Variants in GABRA3 observed in about 807,000 individuals in gnomAD.
The protein encoded by GABRA3 is gamma-aminobutyric acid type A receptor subunit alpha3, also known as gamma-aminobutyric acid receptor subunit alpha-3.
Under a neutral mutation model 30.1 loss-of-function variants are expected in GABRA3, and 10 were observed. The ratio of observed to expected loss-of-function variants is 0.33; its 90% CI spans 0.20 to 0.56. The LOEUF (loss-of-function observed/expected upper bound fraction) is 0.56. Ranked by LOEUF, GABRA3 falls within the 20% of genes least tolerant of loss-of-function variation. The probability of loss-of-function intolerance (pLI) is 0.89; values close to 1 mark genes in which losing one functional copy is unlikely to be tolerated. For synonymous variants in GABRA3, 151 were observed against 146.8 expected (o/e 1.03, Z -0.21); for missense variants, 233 against 392.0 (o/e 0.59, Z 3.42).
Position 152,339,082 on chromosome X carries a change from T to G in GABRA3, c.262+6499A>C, listed in dbSNP as rs775029813. 4.5e-5 allele frequency among the ~76,000 whole-genome samples: 5 copies of G among 111,112 alleles called. No individual in the cohort carries two copies. The East Asian group carries it at 1.4e-3, about 31-fold the overall frequency. On this transcript the variant is annotated intron_variant, in intron 3 of 9. Transcript: ENST00000370314. ...TTCTATGAAGAACGTCTTTGGTATATCGGTAGAGATTACATTGAGTCTGTA... is the reference window on the plus strand; with the variant it reads ...TTCTATGAAGAACGTCTTTGGTATAGCGGTAGAGATTACATTGAGTCTGTA...
At chrX:152,437,451 T>C (rs1465448373) in intron 1 of GABRA3, among the ~76,000 whole-genome samples, 1 of 111,752 alleles carries the variant, frequency 8.9e-6, no homozygotes, top group African/African-American at 3.3e-5. Context: ...GTAAGGTCAG[T>C]TCTTCTCAAC....
chrX:152,174,105 G>A lies in GABRA3; in HGVS notation c.1144-5542C>T, dbSNP rs372717894. On this transcript the variant is annotated intron_variant, in intron 9 of 9. Coordinates refer to ENST00000370314, the MANE Select transcript of GABRA3 (RefSeq NM_000808.4). ...GGTTTCCAGCTTCATCCATGTCCCT[G>A]CAAAGGACATGAACTCATCCTTTTT... Among the ~76,000 whole-genome samples the A allele has an allele frequency of 2.0e-3, 226 of 110,416 alleles. 2 individuals are homozygous for A. The South Asian group carries it at 0.038, about 18-fold the overall frequency.
chrX:152,255,262 T>G (rs776996555), intron 5 of GABRA3, among the ~76,000 whole-genome samples: 14 of 111,831 alleles, frequency 1.3e-4, no homozygotes, highest in African/African-American at 4.2e-4. Context: ...ATAAACATAT[T>G]CAAATAAATA....
intron 6 of GABRA3, among the ~76,000 whole-genome samples, chrX:152,220,202 G>C (rs1435135802): frequency 9.0e-6 from 1 of 111,586 alleles, no homozygotes; most frequent in African/African-American, 3.3e-5. Context: ...GAATCCCATT[G>C]CTTAATCTGT....
chrX:152,393,889 G>T (rs1929569173), intron 1 of GABRA3, among the ~76,000 whole-genome samples: 1 of 111,590 alleles, frequency 9.0e-6, no homozygotes, highest in African/African-American at 3.3e-5. Flanking sequence ...TCAAATGACT[G>T]CCATGGCATA....
At chrX:152,182,852 T>C (rs1937202983) in intron 9 of GABRA3, among the ~76,000 whole-genome samples, 1 of 92,994 alleles carries the variant, frequency 1.1e-5, no homozygotes, top group South Asian at 4.9e-4. Flanking sequence ...AATACTATAG[T>C]ATATATACTA....
At chrX:152,204,999 T>A (rs1350868970) in intron 7 of GABRA3, among the ~76,000 whole-genome samples, 1 of 111,835 alleles carries the variant, frequency 8.9e-6, no homozygotes, top group Non-Finnish European at 1.9e-5. Context: ...GTGTTCTCCA[T>A]GTGCACGCAC....
At chrX:152,339,616 A>T (rs371981508) in intron 3 of GABRA3, among the ~76,000 whole-genome samples, 1 of 111,811 alleles carries the variant, frequency 8.9e-6, no homozygotes, top group Admixed American at 9.5e-5. Flanking sequence ...GCTGTTGTTG[A>T]TTGGAATGTT....
At chrX:152,365,083 C>T (rs982368724) in intron 1 of GABRA3, among the ~76,000 whole-genome samples, 4 of 111,547 alleles carry the variant, frequency 3.6e-5, no homozygotes, top group African/African-American at 6.5e-5. Context: ...TGTGTAATAT[C>T]GTAGAGAATC....
intron 6 of GABRA3, among the ~76,000 whole-genome samples, chrX:152,224,365 T>C (rs1937897625): frequency 8.9e-6 from 1 of 112,065 alleles, no homozygotes; most frequent in African/African-American, 3.2e-5. Context: ...TATATGAAGA[T>C]GCAGGTAGAA....
chrX:152,414,959 T>G (rs1930171846), intron 1 of GABRA3, among the ~76,000 whole-genome samples: 1 of 109,882 alleles, frequency 9.1e-6, no homozygotes, highest in Non-Finnish European at 1.9e-5. Flanking sequence ...TTATGACATT[T>G]TGGAAAATAC....
At chrX:152,274,267 C>A (rs1206839588) in intron 4 of GABRA3, among the ~76,000 whole-genome samples, 1 of 110,578 alleles carries the variant, frequency 9.0e-6, no homozygotes, top group Admixed American at 9.6e-5. Context: ...CCAATCAGAC[C>A]AATAATTTGT....
intron 3 of GABRA3, among the ~76,000 whole-genome samples, chrX:152,323,684 G>A (rs1469620560): frequency 8.9e-6 from 1 of 111,967 alleles, no homozygotes; most frequent in Non-Finnish European, 1.9e-5. Context: ...TTTGTAATGA[G>A]AGGATTAAAC....
At chrX:152,281,897 G>C (rs986948723) in intron 4 of GABRA3, among the ~76,000 whole-genome samples, 1 of 112,346 alleles carries the variant, frequency 8.9e-6, no homozygotes, top group Non-Finnish European at 1.9e-5. Context: ...GAGGAAGACA[G>C]TCATTATTTT....
chrX:152,342,276 CAT>C lies in GABRA3; in HGVS notation c.262+3303_262+3304del, dbSNP rs371856834. On this transcript the variant is annotated intron_variant, in intron 3 of 9. Transcript: ENST00000370314. ...ATTAGTGATGTTGAGCAGTTTTTCACATGTTTCTTAACCATTTATATATATTC... is the reference window on the plus strand; with the variant it reads ...ATTAGTGATGTTGAGCAGTTTTTCACGTTTCTTAACCATTTATATATATTC... 4.0e-3 allele frequency among the ~76,000 whole-genome samples: 451 copies of C among 112,496 alleles called. 1 individual carries two copies. Among genetic ancestry groups the C allele is most frequent in the Admixed American group, 6.0e-3 (64 of 10,659 alleles).
At chrX:152,226,801 A>G (rs1937965818) in intron 5 of GABRA3, among the ~76,000 whole-genome samples, 2 of 112,300 alleles carry the variant, frequency 1.8e-5, no homozygotes, top group Non-Finnish European at 3.8e-5. Context: ...ATCCCTGGCC[A>G]TCAGAGAAAT....
rs757872559 is a variant in GABRA3, at chrX:152,256,747, A to T, written c.331-749T>A. Among the ~76,000 whole-genome samples, 15 of 112,404 alleles carry T rather than the reference A, an allele frequency of 1.3e-4. No individual in the cohort carries two copies. The East Asian group carries it at 3.9e-3, about 29-fold the overall frequency. On this transcript the variant is annotated intron_variant, in intron 4 of 9. Transcript: ENST00000370314. Reference sequence around the variant, plus strand: ...ATTATAAAACCTGAACAACAACTGTATATACCTGTATTCCTTGAAAGCAGT... The same window carrying T: ...ATTATAAAACCTGAACAACAACTGTTTATACCTGTATTCCTTGAAAGCAGT...
intron 3 of GABRA3, among the ~76,000 whole-genome samples, chrX:152,302,058 A>C (rs1042933311): frequency 1.8e-5 from 2 of 111,800 alleles, no homozygotes; most frequent in Non-Finnish European, 3.8e-5. Context: ...ATTTCTAAAA[A>C]GACAATATAT....
intron 5 of GABRA3, among the ~76,000 whole-genome samples, chrX:152,233,953 A>G (rs2124391427): frequency 9.5e-6 from 1 of 104,770 alleles, no homozygotes; most frequent in Non-Finnish European, 1.9e-5. Flanking sequence ...AGCACAAAAA[A>G]CCAAACACCG....
Sources: allele counts gnomAD v4.1 joint callset (sites outside exome capture counted in the v4.1 genomes callset), GRCh38; gene constraint gnomAD v4.1.1; transcripts MANE v1.5; gene names NCBI Gene and HGNC (gene_info 2026-07-23, HGNC 2026-07-21).